Variants in SLC35D2 observed in about 807,000 individuals in gnomAD.
SLC35D2 encodes the protein solute carrier family 35 member D2.
A neutral mutation model predicts 41.8 loss-of-function variants in SLC35D2; 43 were observed. That is an observed-to-expected ratio of 1.03 (90% CI 0.81 to 1.33). The LOEUF (loss-of-function observed/expected upper bound fraction) is 1.33. Ranked by LOEUF, SLC35D2 falls within the 40% of genes most tolerant of loss-of-function variation. The pLI is 0.00. For missense variants in SLC35D2, 380 were observed against 408.4 expected, an observed-to-expected ratio of 0.93 and a Z score of 0.60; for synonymous variants, 150 against 163.9, an observed-to-expected ratio of 0.92 and a Z score of 0.65.
chr9:96,361,533 A>T (rs1457554925), intron 3 of SLC35D2, among the ~76,000 whole-genome samples: 2 of 152,094 alleles, frequency 1.3e-5, no homozygotes, highest in Non-Finnish European at 2.9e-5. Context: ...AAAATTTTTT[A>T]AATTAGCAAG....
intron 9 of SLC35D2, among the ~76,000 whole-genome samples, chr9:96,332,235 G>A: frequency 6.6e-6 from 1 of 152,180 alleles, no homozygotes; most frequent in Admixed American, 6.5e-5. Flanking sequence ...CGAGTCTGGA[G>A]TTGCGGTGTG....
chr9:96,328,177 C>A (rs2130851530), intron 9 of SLC35D2, among the ~76,000 whole-genome samples: 1 of 152,284 alleles, frequency 6.6e-6, no homozygotes, highest in East Asian at 1.9e-4. Flanking sequence ...ATTTTACTAT[C>A]TGTAGATTAA....
chr9:96,343,036 C>T (rs191185277), intron 8 of SLC35D2, among the ~76,000 whole-genome samples: 8 of 152,318 alleles, frequency 5.3e-5, no homozygotes, highest in African/African-American at 1.9e-4. Flanking sequence ...GTGGAGGTCC[C>T]GCTGAGGAGG....
chr9:96,324,039 G>T, intron 10 of SLC35D2, 52 bp downstream of exon 10: 1 of 1,484,342 alleles, frequency 6.7e-7, no homozygotes, highest in South Asian at 1.1e-5. Context: ...TGGAATATTT[G>T]GATTTCCATT....
chr9:96,360,143 C>G lies in SLC35D2; in HGVS notation c.347+11G>C. 1 of 1,606,146 alleles carries G rather than the reference C, an allele frequency of 6.2e-7. No individual in the cohort carries two copies. Among genetic ancestry groups the G allele is most frequent in the Non-Finnish European group, 8.5e-7 (1 of 1,173,626 alleles). Reference sequence around the variant, plus strand: ...GAGGAACTTTCCACCAGCCATTATCCTATACTCTACCTTAATTTACTTGTG... The same window carrying G: ...GAGGAACTTTCCACCAGCCATTATCGTATACTCTACCTTAATTTACTTGTG... On this transcript the variant is annotated intron_variant, in intron 4 of 11. Coordinates refer to ENST00000253270, the MANE Select transcript of SLC35D2 (RefSeq NM_007001.3).
At chr9:96,379,903 T>TA (rs1284297856) in intron 1 of SLC35D2, among the ~76,000 whole-genome samples, 1 of 151,396 alleles carries the variant, frequency 6.6e-6, no homozygotes, top group Non-Finnish European at 1.5e-5. Context: ...AGAGCCTTTT[T>TA]TTTTTTTTTT....
At chr9:96,339,166 G>A (rs1345036302) in intron 8 of SLC35D2, among the ~76,000 whole-genome samples, 4 of 151,800 alleles carry the variant, frequency 2.6e-5, no homozygotes, top group African/African-American at 4.8e-5. Context: ...GCTGGAGTGC[G>A]GTGGCACGAT....
At position 96,354,766 on chromosome 9, in the gene SLC35D2, C is replaced by CAAAAAAA. The variant is rs59013884; in HGVS notation, c.348-2664_348-2658dup. 1.2e-3 allele frequency among the ~76,000 whole-genome samples: 55 copies of CAAAAAAA among 46,680 alleles called. 2 individuals carry two copies. The highest frequency in any genetic ancestry group is 3.5e-3 in the South Asian group (2 of 566). The allele number at this position is 46,680 out of a possible 152,430, so 30.6% of individuals were successfully genotyped here. Reference sequence around the variant, plus strand: ...TGGGCAACAAAGTGAGACTCCATCTCAAAAAAAAAAAAAAAAAAAAAAAAA... The same window carrying CAAAAAAA: ...TGGGCAACAAAGTGAGACTCCATCTCAAAAAAAAAAAAAAAAAAAAAAAAAAAAAAAA... On this transcript the variant is annotated intron_variant, in intron 4 of 11. Coordinates refer to ENST00000253270, the MANE Select transcript of SLC35D2 (RefSeq NM_007001.3).
intron 1 of SLC35D2, among the ~76,000 whole-genome samples, chr9:96,371,978 G>A (rs970254538): frequency 6.6e-6 from 1 of 151,740 alleles, no homozygotes; most frequent in African/African-American, 2.4e-5. Context: ...CGCCCGCCTC[G>A]GCCTCCCAAA....
chr9:96,342,344 G>A (rs1308221445), intron 8 of SLC35D2, among the ~76,000 whole-genome samples: 2 of 152,080 alleles, frequency 1.3e-5, no homozygotes, highest in Admixed American at 6.6e-5. Context: ...TGGCCAGGCT[G>A]GTCTCAAACT....
At chr9:96,346,087 C>G (rs978524734) in intron 6 of SLC35D2, among the ~76,000 whole-genome samples, 2 of 152,172 alleles carry the variant, frequency 1.3e-5, no homozygotes, top group South Asian at 2.1e-4. Context: ...CAGTGCTAGG[C>G]CATGTCATAA....
chr9:96,340,928 C>T (rs936718901), intron 8 of SLC35D2, among the ~76,000 whole-genome samples: 1 of 152,060 alleles, frequency 6.6e-6, no homozygotes, highest in Non-Finnish European at 1.5e-5. Flanking sequence ...GGTAAATATT[C>T]GGATATTCCA....
At chr9:96,371,064 C>T (rs1830654737) in intron 1 of SLC35D2, among the ~76,000 whole-genome samples, 1 of 152,132 alleles carries the variant, frequency 6.6e-6, no homozygotes. Context: ...GACAGAAAAC[C>T]ACCACTATAC....
Position 96,361,803 on chromosome 9 carries a change from G to A in SLC35D2, c.280-1582C>T, listed in dbSNP as rs373933351. Among the ~76,000 whole-genome samples, 383 of 151,902 alleles carry A rather than the reference G, an allele frequency of 2.5e-3. 4 individuals carry two copies. Among genetic ancestry groups the A allele is most frequent in the African/African-American group, 8.8e-3 (364 of 41,412 alleles). Reference sequence around the variant, plus strand: ...GGACACAGTGAGAAGGTGGCCGTCTGTAAGCCAGGACGCAAAGCCTCACCA... The same window carrying A: ...GGACACAGTGAGAAGGTGGCCGTCTATAAGCCAGGACGCAAAGCCTCACCA... On this transcript the variant is annotated intron_variant, in intron 3 of 11. Coordinates refer to ENST00000253270, the MANE Select transcript of SLC35D2 (RefSeq NM_007001.3).
intron 3 of SLC35D2, among the ~76,000 whole-genome samples, 188 bp from the exon 4 acceptor site, chr9:96,360,409 T>A (rs911808761): frequency 2.6e-5 from 4 of 151,748 alleles, no homozygotes; most frequent in African/African-American, 9.7e-5. Flanking sequence ...GGTAGGCGGA[T>A]CACGAGGTCA....
At chr9:96,345,861 C>G (rs562344069) in intron 6 of SLC35D2, among the ~76,000 whole-genome samples, 1 of 152,198 alleles carries the variant, frequency 6.6e-6, no homozygotes, top group Non-Finnish European at 1.5e-5. Context: ...GTGCCCAAAC[C>G]GCACCCCGTC....
At chr9:96,370,908 CCAAA>C (rs1383851450) in intron 1 of SLC35D2, among the ~76,000 whole-genome samples, 1 of 152,084 alleles carries the variant, frequency 6.6e-6, no homozygotes. Flanking sequence ...CCAGCTAAGA[CCAAA>C]CAACCTAACT....
At chr9:96,318,113 G>A (rs572572371), downstream of SLC35D2, among the ~76,000 whole-genome samples, 18 of 105,778 alleles carry the variant, frequency 1.7e-4, no homozygotes, top group Non-Finnish European at 2.9e-4. Context: ...ATTTGTGCTT[G>A]TAGACACAGA....
chr9:96,379,880 A>T (rs1831116498), intron 1 of SLC35D2, among the ~76,000 whole-genome samples: 1 of 151,754 alleles, frequency 6.6e-6, no homozygotes, highest in Admixed American at 6.6e-5. Context: ...AATAAGTTAA[A>T]GATAGAAAGG....
Sources: allele counts gnomAD v4.1 joint callset (sites outside exome capture counted in the v4.1 genomes callset), GRCh38; gene constraint gnomAD v4.1.1; transcripts MANE v1.5; gene names NCBI Gene and HGNC (gene_info 2026-07-23, HGNC 2026-07-21).